The following SCD5 variants were observed in gnomAD, a reference collection of about 807,000 sequenced individuals.
SCD5 encodes stearoyl-CoA desaturase 5, also known as acyl-CoA-desaturase 4.
Under a neutral mutation model 30.4 loss-of-function variants are expected in SCD5, and 20 were observed. That is an observed-to-expected ratio of 0.66 (90% CI 0.46 to 0.96). The LOEUF (loss-of-function observed/expected upper bound fraction) is 0.96, where lower values mean the gene tolerates loss of function less well. Among genes scored for constraint, SCD5 ranks in the 40% least tolerant of loss-of-function variants. The pLI, the probability that SCD5 is intolerant of heterozygous loss-of-function variation, is 0.00. For missense variants in SCD5, 381 were observed against 443.3 expected (o/e 0.86, Z 1.26); for synonymous variants, 173 against 176.4 (o/e 0.98, Z 0.16).
At chr4:82,703,164 A>G (rs1560538345) in intron 2 of SCD5, among the ~76,000 whole-genome samples, 1 of 152,368 alleles carries the variant, frequency 6.6e-6, no homozygotes, top group Non-Finnish European at 1.5e-5. Context: ...TAGGTGCTCA[A>G]TAAGTATTCG....
chr4:82,714,866 G>C (rs1445510538), intron 1 of SCD5, among the ~76,000 whole-genome samples: 1 of 149,260 alleles, frequency 6.7e-6, no homozygotes, highest in East Asian at 1.9e-4. Flanking sequence ...AACCCAAGCA[G>C]TTTGGATAAG....
At chr4:82,673,889 G>C (rs924439212) in intron 3 of SCD5, among the ~76,000 whole-genome samples, 1 of 152,024 alleles carries the variant, frequency 6.6e-6, no homozygotes, top group Non-Finnish European at 1.5e-5. Flanking sequence ...AGGAACAAAG[G>C]GAATACAATA....
chr4:82,686,784 G>A (rs191067297), intron 2 of SCD5, among the ~76,000 whole-genome samples: 37 of 148,032 alleles, frequency 2.5e-4, no homozygotes, highest in Non-Finnish European at 3.7e-4. Flanking sequence ...TTATTAGAAA[G>A]AATTCTACTA....
intron 1 of SCD5, among the ~76,000 whole-genome samples, chr4:82,742,792 T>C (rs1720905386): frequency 6.6e-6 from 1 of 152,150 alleles, no homozygotes; most frequent in South Asian, 2.1e-4. Context: ...AATGCATCTT[T>C]ATATGTCCAG....
chr4:82,638,630 G>A (rs536776956), intron 3 of SCD5, among the ~76,000 whole-genome samples: 1 of 152,196 alleles, frequency 6.6e-6, no homozygotes, highest in African/African-American at 2.4e-5. Context: ...GGCTCTGCAG[G>A]CATCTCAAGC....
At chr4:82,739,323 A>G (rs576882846) in intron 1 of SCD5, among the ~76,000 whole-genome samples, 2 of 152,300 alleles carry the variant, frequency 1.3e-5, no homozygotes, top group South Asian at 2.1e-4. Flanking sequence ...TTCCACCACA[A>G]ACTCAACTCT....
intron 3 of SCD5, among the ~76,000 whole-genome samples, chr4:82,657,783 G>T (rs908105442): frequency 1.3e-5 from 2 of 152,134 alleles, no homozygotes; most frequent in Non-Finnish European, 2.9e-5. Flanking sequence ...CTTGAACAGT[G>T]GTTTGTAGTT....
At chr4:82,692,306 G>T in intron 2 of SCD5, 1 of 154,804 alleles carries the variant, frequency 6.5e-6, no homozygotes, top group South Asian at 1.8e-4. Flanking sequence ...CAGTGCCCTC[G>T]GGACCACCTA....
intron 3 of SCD5, among the ~76,000 whole-genome samples, chr4:82,659,727 G>T (rs535700821): frequency 3.4e-4 from 52 of 152,288 alleles, no homozygotes; most frequent in African/African-American, 1.2e-3. Flanking sequence ...TGCATTTGCT[G>T]AGGAGTGTTT....
intron 2 of SCD5, among the ~76,000 whole-genome samples, chr4:82,699,706 G>A (rs1719775210): frequency 6.7e-6 from 1 of 150,174 alleles, no homozygotes; most frequent in Non-Finnish European, 1.5e-5. Context: ...ACTGTCACCA[G>A]GCTGAAGTGC....
At chr4:82,637,371 A>T (rs1205757869) in intron 3 of SCD5, among the ~76,000 whole-genome samples, 1 of 152,236 alleles carries the variant, frequency 6.6e-6, no homozygotes, top group Non-Finnish European at 1.5e-5. Flanking sequence ...AAAAATAATA[A>T]GTATAGAAAC....
At chr4:82,670,330 A>T (rs1728283061) in intron 3 of SCD5, among the ~76,000 whole-genome samples, 1 of 152,156 alleles carries the variant, frequency 6.6e-6, no homozygotes, top group South Asian at 2.1e-4. Context: ...AGACAGAACC[A>T]CAAAGAAATG....
At chr4:82,798,086 C>CGG (rs34694654) in intron 1 of SCD5, among the ~76,000 whole-genome samples, 2 of 124,050 alleles carry the variant, frequency 1.6e-5, no homozygotes, top group African/African-American at 3.6e-5. Context: ...GGGGTGGGGG[C>CGG]GGGGGGGGGG....
intron 1 of SCD5, among the ~76,000 whole-genome samples, chr4:82,766,834 C>T (rs763084416): frequency 2.6e-5 from 4 of 152,272 alleles, no homozygotes; most frequent in African/African-American, 4.8e-5. Flanking sequence ...TGCGCCAGCA[C>T]ACCCAGCTAA....
rs574260550 is a variant in SCD5 at position 82,641,827 on chromosome 4, G to A, written c.570-5004C>T. On this transcript the variant is annotated intron_variant, in intron 3 of 4. Coordinates refer to ENST00000319540, the MANE Select transcript of SCD5 (RefSeq NM_001037582.3). ...GTATATTTCTAAAGTAGAGTGGCAC[G>A]ACTTGTTAACAGACTCCATGTTAGA... Among the ~76,000 whole-genome samples, 39 of 152,270 alleles carry A rather than the reference G, an allele frequency of 2.6e-4. No homozygotes were observed. The South Asian group carries it at 8.1e-3, about 32-fold the overall frequency.
intron 1 of SCD5, among the ~76,000 whole-genome samples, chr4:82,795,383 T>C (rs1722189883): frequency 6.6e-6 from 1 of 152,098 alleles, no homozygotes; most frequent in Non-Finnish European, 1.5e-5. Flanking sequence ...GGGCCTTCAG[T>C]GGGGGGAAAT....
At position 82,680,666 on chromosome 4, in the gene SCD5, G is replaced by C. The variant is rs748792357; in HGVS notation, c.569+41C>G. On this transcript the variant is annotated intron_variant, in intron 3 of 4. Coordinates refer to ENST00000319540, the MANE Select transcript of SCD5 (RefSeq NM_001037582.3). ...CCTCATTGTGCTGTTTCTATGTCCT[G>C]GCCCCTGAGGGACAGCTCTCCGTCA... 3 of 1,584,634 alleles carry C rather than the reference G, an allele frequency of 1.9e-6. No individual in the cohort carries two copies. In the Admixed American group the frequency reaches 5.0e-5, roughly 26 times the overall value.
intron 2 of SCD5, among the ~76,000 whole-genome samples, chr4:82,686,063 T>C (rs1223982748): frequency 6.6e-6 from 1 of 151,714 alleles, no homozygotes. Flanking sequence ...TGGAGTGCAG[T>C]GGTGTGATTA....
chr4:82,640,738 G>A (rs1452039979), intron 3 of SCD5, among the ~76,000 whole-genome samples: 1 of 152,188 alleles, frequency 6.6e-6, no homozygotes, highest in Non-Finnish European at 1.5e-5. Context: ...GAAGCACTGA[G>A]ATGGCTCCCC....
Sources: gnomAD v4.1 joint callset for allele counts (sites outside exome capture counted in the v4.1 genomes callset) on GRCh38, gnomAD v4.1.1 for gene constraint, MANE v1.5 for transcripts, NCBI Gene and HGNC (gene_info 2026-07-23, HGNC 2026-07-21) for gene names.